Variants in ATG10 observed in about 807,000 individuals in gnomAD.
The protein encoded by ATG10 is autophagy related 10.
Under a neutral mutation model 32.1 loss-of-function variants are expected in ATG10, and 30 were observed. The observed-to-expected ratio is 0.94, with a 90% CI of 0.70 to 1.27. ATG10 has a LOEUF of 1.27. Among genes scored for constraint, ATG10 ranks in the 50% most tolerant of loss-of-function variants. The pLI is 0.00. For synonymous variants in ATG10, 87 were observed against 91.5 expected (o/e 0.95, Z 0.28); for missense variants, 233 against 262.3 (o/e 0.89, Z 0.77).
intron 5 of ATG10, among the ~76,000 whole-genome samples, chr5:82,189,487 G>C (rs1231455620): frequency 2.6e-5 from 4 of 152,228 alleles, no homozygotes; most frequent in Non-Finnish European, 4.4e-5. Context: ...CTCAGTTGTA[G>C]TTGTGTGAGA....
chr5:81,995,433 A>G (rs1386277844), intron 2 of ATG10, among the ~76,000 whole-genome samples: 1 of 152,152 alleles, frequency 6.6e-6, no homozygotes, highest in Admixed American at 6.5e-5. Context: ...GTGAGCCACC[A>G]TGCCCAGCCT....
chr5:82,083,719 G>A lies in ATG10; in HGVS notation c.216+25117G>A, dbSNP rs534535263. Among the ~76,000 whole-genome samples, 175 of 152,320 alleles carry A rather than the reference G, an allele frequency of 1.1e-3. 2 individuals carry two copies. Among genetic ancestry groups the A allele is most frequent in the Admixed American group, 2.3e-3 (35 of 15,300 alleles). ...TCCACTGCCAGGCCAACAGGGTCTG[G>A]AGTGGACCTCCAGAAAACTCCAACA... On this transcript the variant is annotated intron_variant, in intron 3 of 7. Transcript: ENST00000282185.
At chr5:82,104,446 G>A (rs909628992) in intron 3 of ATG10, among the ~76,000 whole-genome samples, 1 of 150,212 alleles carries the variant, frequency 6.7e-6, no homozygotes. Flanking sequence ...TTTTTTTTCA[G>A]TTTTAGATGA....
chr5:82,000,776 C>T (rs1488155281), intron 2 of ATG10, among the ~76,000 whole-genome samples: 1 of 152,172 alleles, frequency 6.6e-6, no homozygotes, highest in Admixed American at 6.5e-5. Flanking sequence ...CCTGCCTCAG[C>T]CTCCTGCATA....
At chr5:81,987,708 C>A in intron 2 of ATG10, 30 bp downstream of exon 2, 1 of 1,531,788 alleles carries the variant, frequency 6.5e-7, no homozygotes. Flanking sequence ...TTTTCTGTCT[C>A]AAAAGAGGAT....
At chr5:82,036,373 C>G (rs930995049) in intron 2 of ATG10, among the ~76,000 whole-genome samples, 4 of 152,090 alleles carry the variant, frequency 2.6e-5, no homozygotes, top group African/African-American at 9.7e-5. Flanking sequence ...GCGGGCAGAT[C>G]ACCTGATGTC....
intron 3 of ATG10, among the ~76,000 whole-genome samples, chr5:82,144,443 A>G (rs978230760): frequency 6.6e-6 from 1 of 151,856 alleles, no homozygotes; most frequent in Admixed American, 6.6e-5. Flanking sequence ...CAATAAAAGG[A>G]TTGTAGCTAT....
intron 3 of ATG10, among the ~76,000 whole-genome samples, chr5:82,153,277 G>A (rs1456010021): frequency 5.3e-5 from 8 of 152,126 alleles, no homozygotes; most frequent in Admixed American, 2.0e-4. Flanking sequence ...CTCAGTGAAC[G>A]TTAGTTAGTT....
intron 1 of ATG10, among the ~76,000 whole-genome samples, chr5:81,977,201 A>G (rs1760896254): frequency 6.6e-6 from 1 of 152,156 alleles, no homozygotes; most frequent in African/African-American, 2.4e-5. Context: ...GCCTTGGTTT[A>G]TCTTTTAGCA....
At chr5:82,186,774 G>A (rs555769254) in intron 5 of ATG10, among the ~76,000 whole-genome samples, 1 of 152,018 alleles carries the variant, frequency 6.6e-6, no homozygotes, top group Admixed American at 6.6e-5. Context: ...TAGAGAAAAG[G>A]TTTCTCCCCA....
intron 3 of ATG10, 68 bp downstream of exon 3, chr5:82,058,670 A>G (rs1255831277): frequency 1.9e-6 from 2 of 1,056,014 alleles, no homozygotes; most frequent in African/African-American, 3.1e-5. Flanking sequence ...TGTATACTTT[A>G]ATGACTCCAT....
At chr5:81,983,514 A>AC (rs1238413041) in intron 1 of ATG10, among the ~76,000 whole-genome samples, 94 of 71,192 alleles carry the variant, frequency 1.3e-3, no homozygotes, top group Middle Eastern at 0.012. Flanking sequence ...CGGGGGGCTG[A>AC]CCCCCCCCAC....
intron 5 of ATG10, among the ~76,000 whole-genome samples, chr5:82,209,830 C>A (rs1157252827): frequency 1.3e-5 from 2 of 152,116 alleles, no homozygotes; most frequent in Non-Finnish European, 2.9e-5. Context: ...GGTATTTAGA[C>A]CCCTTCACCA....
chr5:82,058,377 A>G, intron 2 of ATG10, 118 bp from the exon 3 acceptor site: 1 of 712,906 alleles, frequency 1.4e-6, no homozygotes, highest in Non-Finnish European at 2.5e-6. Context: ...ATATAGTCTC[A>G]TTTAGTACAT....
rs556466450 is a variant in ATG10 at position 82,097,797 on chromosome 5, T to C, written c.216+39195T>C. On this transcript the variant is annotated intron_variant, in intron 3 of 7. Transcript: ENST00000282185. ...TGTAAAATTGGGGTGTCATTTACCG[T>C]ACCCCAAAAGCAATGTGTCTGAAAG... is the stretch of plus-strand genomic sequence containing the variant. 2.6e-5 allele frequency among the ~76,000 whole-genome samples: 4 copies of C among 152,312 alleles called. No individual in the cohort carries two copies. In the South Asian group the frequency reaches 8.3e-4, roughly 32 times the overall value.
intron 3 of ATG10, among the ~76,000 whole-genome samples, chr5:82,089,029 G>A (rs1764790300): frequency 1.3e-5 from 2 of 152,260 alleles, no homozygotes; most frequent in South Asian, 4.1e-4. Context: ...CTGATTCCAA[G>A]ACTTACTATA....
chr5:82,221,133 C>T (rs1351787603), intron 5 of ATG10, among the ~76,000 whole-genome samples: 1 of 152,184 alleles, frequency 6.6e-6, no homozygotes, highest in Non-Finnish European at 1.5e-5. Context: ...TTCTCTCTGT[C>T]TGGAACACCT....
At chr5:82,184,313 A>C (rs554108785) in intron 5 of ATG10, among the ~76,000 whole-genome samples, 11 of 152,228 alleles carry the variant, frequency 7.2e-5, no homozygotes, top group Non-Finnish European at 8.8e-5. Context: ...ATTGCCTAGC[A>C]CATAATATGT....
chr5:82,249,579 G>A (rs1747159195), intron 5 of ATG10, among the ~76,000 whole-genome samples: 1 of 152,160 alleles, frequency 6.6e-6, no homozygotes, highest in Non-Finnish European at 1.5e-5. Flanking sequence ...AAGGGTCACA[G>A]TCAATCTCTG....
Sources: allele counts gnomAD v4.1 joint callset (sites outside exome capture counted in the v4.1 genomes callset), GRCh38; gene constraint gnomAD v4.1.1; transcripts MANE v1.5; gene names NCBI Gene and HGNC (gene_info 2026-07-23, HGNC 2026-07-21).